CHMP4B: variants seen among roughly 807,000 people sequenced by gnomAD.
CHMP4B encodes SNF7 homolog associated with Alix 1.
CHMP4B carries 1 observed loss-of-function variant against 25.1 expected under a neutral mutation model. The observed-to-expected ratio is 0.04, with a 90% CI of 0.01 to 0.19. CHMP4B has a LOEUF of 0.19. CHMP4B is among the 10% of genes least tolerant of loss of function. CHMP4B has a pLI of 1.00. For missense variants in CHMP4B, 151 were observed against 289.7 expected (o/e 0.52, Z 3.48); for synonymous variants, 101 against 115.6 (o/e 0.87, Z 0.81).
chr20:33,838,125 C>CCCAG (rs1834969610), intron 1 of CHMP4B, among the ~76,000 whole-genome samples: 1 of 152,188 alleles, frequency 6.6e-6, no homozygotes, highest in African/African-American at 2.4e-5. Flanking sequence ...TGTTCGGGCA[C>CCCAG]CTGGCTTGGA....
intron 3 of CHMP4B, 86 bp from the exon 4 acceptor site, chr20:33,851,991 T>A: frequency 6.4e-7 from 1 of 1,569,626 alleles, no homozygotes; most frequent in Non-Finnish European, 8.8e-7. Flanking sequence ...GGTGTGTGTC[T>A]CCATGAGCAT....
intron 2 of CHMP4B, 138 bp from the exon 3 acceptor site, chr20:33,850,814 C>T (rs1979825481): frequency 2.8e-6 from 2 of 710,370 alleles, no homozygotes; most frequent in South Asian, 2.9e-5. Context: ...GCCAAGTAAC[C>T]CCTCACAGGG....
intron 1 of CHMP4B, among the ~76,000 whole-genome samples, chr20:33,834,985 C>T (rs951592831): frequency 1.3e-5 from 2 of 151,926 alleles, no homozygotes; most frequent in South Asian, 2.1e-4. Flanking sequence ...GTAGTAGAGA[C>T]GAGTTTCACC....
At position 33,833,793 on chromosome 20, in the gene CHMP4B, C is replaced by G. The variant is rs577467660; in HGVS notation, c.191-14674C>G. On this transcript the variant is annotated intron_variant, in intron 1 of 4. Transcript: ENST00000217402. ...GATAACCCCAAAGGTTAGTTTCCCC[C>G]CTCTAGGCATCCACAGTAAGTGTCC... Among the ~76,000 whole-genome samples, 13 of 152,296 alleles carry G rather than the reference C, an allele frequency of 8.5e-5. No homozygotes were observed. In the East Asian group the frequency reaches 2.3e-3, roughly 27 times the overall value.
At chr20:33,827,832 G>A (rs372499454) in intron 1 of CHMP4B, among the ~76,000 whole-genome samples, 6 of 152,362 alleles carry the variant, frequency 3.9e-5, no homozygotes, top group African/African-American at 1.2e-4. Flanking sequence ...GCCACAGGAT[G>A]TAGGGGATTT....
rs200102744 is a variant in CHMP4B at position 33,852,780 on chromosome 20, C to T, written c.610+577C>T. Among the ~76,000 whole-genome samples the T allele has an allele frequency of 1.1e-4, 16 of 152,336 alleles. No individual in the cohort carries two copies. The East Asian group carries it at 2.3e-3, about 22-fold the overall frequency. ...TGTGCTGCGCACCCTGCAAAAGCCC[C>T]GGCCCCTAGAGACAGCCCCTGGGGG... On this transcript the variant is annotated intron_variant, in intron 4 of 4. Coordinates refer to ENST00000217402, the MANE Select transcript of CHMP4B (RefSeq NM_176812.5).
chr20:33,852,176 C>T lies in CHMP4B; in HGVS notation c.583C>T (p.Pro195Ser), dbSNP rs760334651. The T allele has an allele frequency of 3.1e-6, 5 of 1,614,182 alleles. No individual in the cohort carries two copies. The Admixed American group carries it at 6.7e-5, about 22-fold the overall frequency. ...CGAAACAGTCCCTCTACCAAATGTT[C>T]CCTCTATAGCCCTACCATCAAAACC... ...GPETVPLPNV[P>S]SIALPSKPAK... Residue 195 changes from proline to serine, a missense_variant, in exon 4 of 5, where the codon CCC becomes TCC. Transcript: ENST00000217402.
At chr20:33,834,707 T>C (rs1264634384) in intron 1 of CHMP4B, among the ~76,000 whole-genome samples, 1 of 152,256 alleles carries the variant, frequency 6.6e-6, no homozygotes, top group Non-Finnish European at 1.5e-5. Context: ...ATTTCATTTC[T>C]TCTTTGACCT....
intron 1 of CHMP4B, among the ~76,000 whole-genome samples, chr20:33,829,888 G>T (rs1979192755): frequency 6.6e-6 from 1 of 152,206 alleles, no homozygotes; most frequent in Non-Finnish European, 1.5e-5. Flanking sequence ...TAGTAGATAG[G>T]AAGGGAAGAA....
intron 1 of CHMP4B, among the ~76,000 whole-genome samples, chr20:33,837,110 G>A (rs1440116265): frequency 6.6e-6 from 1 of 152,168 alleles, no homozygotes; most frequent in African/African-American, 2.4e-5. Context: ...CAGAACAGGT[G>A]TTAGTTCATG....
At chr20:33,841,411 A>G (rs975964638) in intron 1 of CHMP4B, among the ~76,000 whole-genome samples, 8 of 152,260 alleles carry the variant, frequency 5.3e-5, no homozygotes, top group African/African-American at 1.7e-4. Flanking sequence ...CTGTGTGGGA[A>G]TAAATACAGC....
intron 1 of CHMP4B, among the ~76,000 whole-genome samples, chr20:33,844,781 T>A (rs1453304700): frequency 2.0e-5 from 3 of 150,838 alleles, no homozygotes; most frequent in African/African-American, 7.3e-5. Flanking sequence ...TTTTTTGAGA[T>A]GGAGTCTTGC....
intron 1 of CHMP4B, among the ~76,000 whole-genome samples, chr20:33,817,646 G>A (rs1225795620): frequency 6.6e-6 from 1 of 152,246 alleles, no homozygotes; most frequent in Admixed American, 6.5e-5. Context: ...GAGCCCACCA[G>A]GAGGAGGGGC....
At chr20:33,835,854 A>G (rs1464144448) in intron 1 of CHMP4B, among the ~76,000 whole-genome samples, 1 of 152,178 alleles carries the variant, frequency 6.6e-6, no homozygotes, top group Non-Finnish European at 1.5e-5. Context: ...GTGGCGAGAG[A>G]GAGAGGAGGA....
intron 1 of CHMP4B, among the ~76,000 whole-genome samples, chr20:33,822,775 A>C (rs946688757): frequency 2.0e-5 from 3 of 152,098 alleles, no homozygotes; most frequent in African/African-American, 7.2e-5. Flanking sequence ...GGCCTAGTTA[A>C]GTACTTTTCT....
chr20:33,851,877 G>A (rs901548757), intron 3 of CHMP4B, among the ~76,000 whole-genome samples, 200 bp from the exon 4 acceptor site: 10 of 152,202 alleles, frequency 6.6e-5, no homozygotes, highest in African/African-American at 2.2e-4. Context: ...GTCTACATCA[G>A]TGATGTGCAG....
intron 4 of CHMP4B, among the ~76,000 whole-genome samples, chr20:33,853,196 C>T (rs999587071): frequency 6.6e-6 from 1 of 152,208 alleles, no homozygotes; most frequent in African/African-American, 2.4e-5. Context: ...TCTCCTCCCA[C>T]CTTGCAGGCT....
At chr20:33,848,788 C>A in intron 2 of CHMP4B, 144 bp downstream of exon 2, 1 of 839,894 alleles carries the variant, frequency 1.2e-6, no homozygotes, top group South Asian at 1.6e-5. Flanking sequence ...TTTTTTGGAA[C>A]TCCGAAAATG....
At chr20:33,811,976 C>T (rs912651842) in intron 1 of CHMP4B, among the ~76,000 whole-genome samples, 2 of 152,152 alleles carry the variant, frequency 1.3e-5, no homozygotes, top group African/African-American at 4.8e-5. Flanking sequence ...TCCTTCTCGC[C>T]TCACCCACCT....
Sources: allele counts gnomAD v4.1 joint callset (sites outside exome capture counted in the v4.1 genomes callset), GRCh38; gene constraint gnomAD v4.1.1; transcripts MANE v1.5; gene names NCBI Gene and HGNC (gene_info 2026-07-23, HGNC 2026-07-21).